Variants in DPH6 observed in about 807,000 individuals in gnomAD.
The protein encoded by DPH6 is diphthamine biosynthesis 6.
A neutral mutation model predicts 38.2 loss-of-function variants in DPH6; 33 were observed. That is an observed-to-expected ratio of 0.86 (90% CI 0.65 to 1.15). The LOEUF (loss-of-function observed/expected upper bound fraction) is 1.15, where lower values mean the gene tolerates loss of function less well. DPH6 is among the 50% of genes most tolerant of loss of function. The probability of loss-of-function intolerance (pLI) is 0.00; values close to 1 mark genes in which losing one functional copy is unlikely to be tolerated. For missense variants in DPH6, 325 were observed against 320.0 expected, an observed-to-expected ratio of 1.02 and a Z score of -0.12; for synonymous variants, 108 against 103.0, an observed-to-expected ratio of 1.05 and a Z score of -0.30.
At chr15:35,463,078 C>G (rs1195470320) in intron 3 of DPH6, among the ~76,000 whole-genome samples, 1 of 152,038 alleles carries the variant, frequency 6.6e-6, no homozygotes, top group Non-Finnish European at 1.5e-5. Flanking sequence ...ATTTCAACCT[C>G]TTAAAAAACA....
At chr15:35,451,241 AT>A (rs902269693) in intron 4 of DPH6, among the ~76,000 whole-genome samples, 26 of 151,762 alleles carry the variant, frequency 1.7e-4, no homozygotes, top group Admixed American at 8.5e-4. Flanking sequence ...CTAACTTTGA[AT>A]TTTTTTTTAA....
At chr15:35,151,722 C>T in the DPH6 span, among the ~76,000 whole-genome samples, 1 of 152,160 alleles carries the variant, frequency 6.6e-6, no homozygotes, top group Non-Finnish European at 1.5e-5. Flanking sequence ...TGTTCTGGGC[C>T]ACCCTTGACC....
At chr15:35,228,790 A>G (rs2051499086) in intron 3 of DPH6, among the ~76,000 whole-genome samples, 1 of 152,100 alleles carries the variant, frequency 6.6e-6, no homozygotes, top group Admixed American at 6.5e-5. Flanking sequence ...AAAAGTCTTT[A>G]TCTTTCCTTC....
the DPH6 span, among the ~76,000 whole-genome samples, chr15:35,174,086 T>C: frequency 7.9e-5 from 12 of 152,136 alleles, no homozygotes; most frequent in African/African-American, 2.4e-4. Context: ...TCTCTCTTCC[T>C]CCCTAGATAA....
At chr15:35,354,387 T>C (rs2052541683) in intron 3 of DPH6, among the ~76,000 whole-genome samples, 1 of 152,234 alleles carries the variant, frequency 6.6e-6, no homozygotes, top group Non-Finnish European at 1.5e-5. Context: ...TTCCAGTTTT[T>C]GCCCATTCAG....
chr15:35,444,780 C>G (rs531019365), intron 5 of DPH6, among the ~76,000 whole-genome samples: 3 of 152,268 alleles, frequency 2.0e-5, no homozygotes, highest in South Asian at 4.1e-4. Context: ...TGGAAGAGAG[C>G]TCCCTCTAGT....
chr15:35,374,505 A>G (rs1047885990), intron 7 of DPH6, among the ~76,000 whole-genome samples: 4 of 152,210 alleles, frequency 2.6e-5, no homozygotes, highest in East Asian at 3.9e-4. Context: ...AATAGAAGAA[A>G]TCTCAAAATA....
intron 3 of DPH6, among the ~76,000 whole-genome samples, chr15:35,480,608 T>C (rs539765505): frequency 4.6e-5 from 7 of 152,206 alleles, no homozygotes; most frequent in African/African-American, 1.4e-4. Flanking sequence ...ATGTTTGCTA[T>C]TTTAAACAAG....
intron 5 of DPH6, among the ~76,000 whole-genome samples, chr15:35,439,981 G>T (rs1357759965): frequency 6.6e-6 from 1 of 152,200 alleles, no homozygotes; most frequent in African/African-American, 2.4e-5. Context: ...GGACTGGAGA[G>T]AAATTATGTT....
At chr15:35,463,098 T>C (rs1021035451) in intron 3 of DPH6, among the ~76,000 whole-genome samples, 2 of 152,030 alleles carry the variant, frequency 1.3e-5, no homozygotes, top group Admixed American at 1.3e-4. Context: ...AAAGAAAATA[T>C]AAGCTAAAAT....
At chr15:35,470,340 G>T (rs1265491514) in intron 3 of DPH6, among the ~76,000 whole-genome samples, 1 of 152,028 alleles carries the variant, frequency 6.6e-6, no homozygotes. Flanking sequence ...ATAGTGCCAA[G>T]TATCACAAAG....
chr15:35,436,764 T>TC lies in DPH6; in HGVS notation c.505+13920_505+13921insG, dbSNP rs1158879826. Among the ~76,000 whole-genome samples, 6 of 151,156 alleles carry TC rather than the reference T, an allele frequency of 4.0e-5. No individual in the cohort carries two copies. In the East Asian group the frequency reaches 1.2e-3, roughly 30 times the overall value. On this transcript the variant is annotated intron_variant, in intron 5 of 8. Coordinates refer to ENST00000256538, the MANE Select transcript of DPH6 (RefSeq NM_080650.4). ...AGCCCTGCCTTTAAGTTTTTTTTTT[T>TC]TTCTTTTCTCCACCAGGTCAGGAGT...
At chr15:35,150,352 T>C in the DPH6 span, among the ~76,000 whole-genome samples, 129 of 152,274 alleles carry the variant, frequency 8.5e-4, no homozygotes, top group African/African-American at 3.0e-3. Context: ...TTGAGAATAA[T>C]TATAGAGAAG....
chr15:35,531,975 AT>A (rs1178471563), intron 3 of DPH6, among the ~76,000 whole-genome samples: 1 of 152,200 alleles, frequency 6.6e-6, no homozygotes, highest in Non-Finnish European at 1.5e-5. Flanking sequence ...CAGTAGAGTT[AT>A]AGACAAGCTG....
chr15:35,391,534 A>G (rs1379399673), intron 6 of DPH6, among the ~76,000 whole-genome samples: 3 of 152,126 alleles, frequency 2.0e-5, no homozygotes, highest in Non-Finnish European at 4.4e-5. Context: ...CTCAAGCCTG[A>G]GCAATGGTGG....
At chr15:35,532,560 A>C (rs1222978764) in intron 3 of DPH6, among the ~76,000 whole-genome samples, 1 of 152,200 alleles carries the variant, frequency 6.6e-6, no homozygotes, top group African/African-American at 2.4e-5. Context: ...TGATGAGGTA[A>C]ATGATGATGC....
chr15:35,450,412 T>A, intron 5 of DPH6, among the ~76,000 whole-genome samples: 1 of 140,334 alleles, frequency 7.1e-6, no homozygotes, highest in African/African-American at 2.7e-5. Flanking sequence ...GAACTTAAAA[T>A]GAAGGACTAT....
At chr15:35,292,720 A>T (rs2051988267) in intron 3 of DPH6, among the ~76,000 whole-genome samples, 1 of 152,188 alleles carries the variant, frequency 6.6e-6, no homozygotes, top group South Asian at 2.1e-4. Flanking sequence ...GCATATTTTT[A>T]AAAAAGAAAT....
intron 7 of DPH6, among the ~76,000 whole-genome samples, chr15:35,380,940 A>G (rs1331968485): frequency 1.3e-5 from 2 of 152,218 alleles, no homozygotes; most frequent in African/African-American, 4.8e-5. Flanking sequence ...AAATTAGAAG[A>G]ATATGAAAGC....
Sources: gnomAD v4.1 joint callset for allele counts (sites outside exome capture counted in the v4.1 genomes callset) on GRCh38, gnomAD v4.1.1 for gene constraint, MANE v1.5 for transcripts, NCBI Gene and HGNC (gene_info 2026-07-23, HGNC 2026-07-21) for gene names.